Variants in AGBL1 observed in about 807,000 individuals in gnomAD.
AGBL1 encodes AGBL carboxypeptidase 1.
In AGBL1, 130 loss-of-function variants were observed where a neutral mutation model predicts 118.9. That is an observed-to-expected ratio of 1.09 (90% CI 0.95 to 1.26). The LOEUF (loss-of-function observed/expected upper bound fraction) is 1.26, where lower values mean the gene tolerates loss of function less well. Ranked by LOEUF, AGBL1 falls within the 50% of genes most tolerant of loss-of-function variation. The pLI, the probability that AGBL1 is intolerant of heterozygous loss-of-function variation, is 0.00. For missense variants in AGBL1, 1,584 were observed against 1,298.1 expected, an observed-to-expected ratio of 1.22 and a Z score of -3.38; for synonymous variants, 555 against 478.9, an observed-to-expected ratio of 1.16 and a Z score of -2.08.
At chr15:86,423,245 A>C (rs943439167) in intron 18 of AGBL1, among the ~76,000 whole-genome samples, 1 of 152,240 alleles carries the variant, frequency 6.6e-6, no homozygotes, top group Non-Finnish European at 1.5e-5. Context: ...ACCACGATAA[A>C]GTCACCTTCA....
intron 21 of AGBL1, among the ~76,000 whole-genome samples, chr15:86,601,134 AGTT>A (rs1182281214): frequency 1.3e-5 from 2 of 152,104 alleles, no homozygotes; most frequent in African/African-American, 4.8e-5. Flanking sequence ...CAGTTGACAG[AGTT>A]GTTTGTTGTC....
At chr15:86,588,887 G>A (rs1238515674) in intron 21 of AGBL1, among the ~76,000 whole-genome samples, 1 of 152,080 alleles carries the variant, frequency 6.6e-6, no homozygotes, top group Non-Finnish European at 1.5e-5. Context: ...TGGCAAATAC[G>A]TGTTATCAAT....
chr15:86,416,000 C>G (rs1451454130), intron 18 of AGBL1, among the ~76,000 whole-genome samples: 1 of 152,038 alleles, frequency 6.6e-6, no homozygotes, highest in East Asian at 1.9e-4. Context: ...TTTTCTTAGC[C>G]TTGGACAAAG....
At chr15:86,990,249 T>C (rs191765670) in intron 24 of AGBL1, among the ~76,000 whole-genome samples, 1 of 152,232 alleles carries the variant, frequency 6.6e-6, no homozygotes, top group African/African-American at 2.4e-5. Context: ...ACGCCATAGC[T>C]CACATCTATA....
chr15:86,782,952 C>T (rs917875683), intron 22 of AGBL1, among the ~76,000 whole-genome samples: 1 of 152,172 alleles, frequency 6.6e-6, no homozygotes, highest in Non-Finnish European at 1.5e-5. Context: ...CTTGCACTAA[C>T]CAAATTCTTT....
intron 17 of AGBL1, among the ~76,000 whole-genome samples, chr15:86,331,762 A>G (rs2080272648): frequency 6.6e-6 from 1 of 152,260 alleles, no homozygotes; most frequent in African/African-American, 2.4e-5. Flanking sequence ...GGAATTTGTT[A>G]TCACCAGACC....
At chr15:86,188,248 G>A (rs976868564) in intron 5 of AGBL1, among the ~76,000 whole-genome samples, 7 of 152,160 alleles carry the variant, frequency 4.6e-5, no homozygotes, top group African/African-American at 1.7e-4. Context: ...CCACACTATG[G>A]AGCTGATCCT....
chr15:86,466,660 C>G (rs893837094), intron 18 of AGBL1, among the ~76,000 whole-genome samples: 2 of 152,158 alleles, frequency 1.3e-5, no homozygotes, highest in African/African-American at 4.8e-5. Context: ...CTGTTGGTGA[C>G]CTTCAGATGG....
At position 86,930,459 on chromosome 15, in the gene AGBL1, T is replaced by A. The variant is rs548999600; in HGVS notation, c.3222-57528T>A. Among the ~76,000 whole-genome samples the A allele has an allele frequency of 2.0e-5, 3 of 152,194 alleles. No individual in the cohort carries two copies. In the South Asian group the frequency reaches 6.2e-4, roughly 32 times the overall value. ...CTGTTGGGGGCACTGCTTCGGGAGA[T>A]CTGTTTATTCTGTAATTAACAATAA... On this transcript the variant is annotated intron_variant, in intron 23 of 24. Transcript: ENST00000441037.
intron 5 of AGBL1, among the ~76,000 whole-genome samples, chr15:86,214,133 A>G (rs1206981572): frequency 6.6e-6 from 1 of 152,242 alleles, no homozygotes; most frequent in African/African-American, 2.4e-5. Flanking sequence ...CAGGACAGAT[A>G]ACAGTCAGGT....
chr15:86,202,471 G>A (rs1352337783), intron 5 of AGBL1, among the ~76,000 whole-genome samples: 1 of 152,078 alleles, frequency 6.6e-6, no homozygotes, highest in Non-Finnish European at 1.5e-5. Flanking sequence ...ATCTTCTTAA[G>A]TCTCAGTTTC....
At chr15:86,808,654 CTTTCTTTCCTCCTTCCT>C (rs1359096501) in intron 22 of AGBL1, among the ~76,000 whole-genome samples, 45 of 140,882 alleles carry the variant, frequency 3.2e-4, no homozygotes, top group African/African-American at 1.1e-3. Context: ...CCTTCCTTCC[CTTTCTTTCCTCCTTCCT>C]TTTCTTTCCT....
intron 18 of AGBL1, among the ~76,000 whole-genome samples, chr15:86,497,624 A>G (rs1484742669): frequency 4.6e-5 from 7 of 151,724 alleles, no homozygotes; most frequent in Admixed American, 4.6e-4. Flanking sequence ...TTGGGAATAA[A>G]TCTCCCATTT....
chr15:86,854,903 C>T (rs992948011), intron 22 of AGBL1, among the ~76,000 whole-genome samples: 3 of 152,144 alleles, frequency 2.0e-5, no homozygotes, highest in African/African-American at 4.8e-5. Flanking sequence ...CAACTGCCCT[C>T]GATCTCCATC....
rs545136203 is a variant in AGBL1 at position 86,210,375 on chromosome 15, G to T, written c.489-14539G>T. Among the ~76,000 whole-genome samples, 8 of 152,260 alleles carry T rather than the reference G, an allele frequency of 5.3e-5. No individual in the cohort carries two copies. In the East Asian group the frequency reaches 1.5e-3, roughly 29 times the overall value. ...GAATGTTGGCCTCCCTTGCTAGGTT[G>T]GGGAAATTCTCCTGGATAATATCCT... is the stretch of plus-strand genomic sequence containing the variant. On this transcript the variant is annotated intron_variant, in intron 5 of 22. Coordinates refer to ENST00000614907, the MANE Select transcript of AGBL1 (RefSeq NM_001386094.1).
At position 86,165,134 on chromosome 15, in the gene AGBL1, C is replaced by G. The variant is rs760602342; in HGVS notation, c.488+6108C>G. On this transcript the variant is annotated intron_variant, in intron 5 of 22. Transcript: ENST00000614907. Reference sequence around the variant, plus strand: ...GGAGGAGATGGATATGTTTGGTCTTCAAGCAAGCTTCATAAGCAAATTCTT... The same window carrying G: ...GGAGGAGATGGATATGTTTGGTCTTGAAGCAAGCTTCATAAGCAAATTCTT... Among the ~76,000 whole-genome samples the G allele has an allele frequency of 2.0e-5, 3 of 152,272 alleles. No individual in the cohort carries two copies. In the Middle Eastern group the frequency reaches 0.01, roughly 518 times the overall value.
At chr15:86,452,397 A>G (rs2082205295) in intron 18 of AGBL1, among the ~76,000 whole-genome samples, 1 of 152,172 alleles carries the variant, frequency 6.6e-6, no homozygotes, top group Non-Finnish European at 1.5e-5. Flanking sequence ...TCTGATTTGT[A>G]GCCTCATGAT....
intron 21 of AGBL1, among the ~76,000 whole-genome samples, chr15:86,660,614 T>G (rs545212135): frequency 6.6e-6 from 1 of 152,278 alleles, no homozygotes. Context: ...TTAACCATTA[T>G]TTTTTAATTT....
At chr15:86,445,909 G>A (rs1233398751) in intron 18 of AGBL1, among the ~76,000 whole-genome samples, 1 of 152,326 alleles carries the variant, frequency 6.6e-6, no homozygotes, top group African/African-American at 2.4e-5. Context: ...CTGTTAGCAG[G>A]ATTGGGGCTG....
Sources: allele counts gnomAD v4.1 joint callset (sites outside exome capture counted in the v4.1 genomes callset), GRCh38; gene constraint gnomAD v4.1.1; transcripts MANE v1.5; gene names NCBI Gene and HGNC (gene_info 2026-07-23, HGNC 2026-07-21).